The following ST8SIA6 variants were observed in gnomAD, a reference collection of about 807,000 sequenced individuals.
ST8SIA6 encodes the protein ST8 alpha-N-acetyl-neuraminide alpha-2,8-sialyltransferase 6, also known as alpha-2,8-sialyltransferase 8F.
ST8SIA6 carries 39 observed loss-of-function variants against 33.6 expected under a neutral mutation model. That is an observed-to-expected ratio of 1.16 (90% confidence interval 0.90 to 1.52). The LOEUF (loss-of-function observed/expected upper bound fraction) is 1.52, where lower values mean the gene tolerates loss of function less well. ST8SIA6 is among the 40% of genes most tolerant of loss of function. The pLI, the probability that ST8SIA6 is intolerant of heterozygous loss-of-function variation, is 0.00. For missense variants in ST8SIA6, 441 were observed against 443.8 expected, an observed-to-expected ratio of 0.99 and a Z score of 0.06; for synonymous variants, 172 against 167.2, an observed-to-expected ratio of 1.03 and a Z score of -0.22.
At chr10:17,343,615 T>A (rs1324156486) in intron 4 of ST8SIA6, among the ~76,000 whole-genome samples, 5 of 151,400 alleles carry the variant, frequency 3.3e-5, no homozygotes, top group Admixed American at 1.3e-4. Context: ...GCACATGAAA[T>A]AAAACACAGA....
chr10:17,404,160 C>T (rs185022292), intron 2 of ST8SIA6, among the ~76,000 whole-genome samples: 2 of 151,388 alleles, frequency 1.3e-5, no homozygotes, highest in East Asian at 3.9e-4. Flanking sequence ...GAAGTTTACA[C>T]ATGTGTCATC....
intron 3 of ST8SIA6, among the ~76,000 whole-genome samples, chr10:17,383,970 G>A (rs1850249690): frequency 6.6e-6 from 1 of 152,176 alleles, no homozygotes; most frequent in South Asian, 2.1e-4. Context: ...AACTATTTGT[G>A]TATATTCTTA....
In ST8SIA6 at chr10:17,318,683, G is replaced by A. The variant is rs567205864; in HGVS notation, c.*2195C>T. ...TGTCACAGTCAGACTTGGTTGTGGC[G>A]AATCTACAAATCTACAAGATGGAGT... is the stretch of plus-strand genomic sequence containing the variant. On this transcript the variant is annotated 3_prime_UTR_variant, in exon 8 of 8. Coordinates refer to ENST00000377602, the MANE Select transcript of ST8SIA6 (RefSeq NM_001004470.3). 4.9e-5 allele frequency: 23 copies of A among 471,012 alleles called. No individual in the cohort carries two copies. The highest frequency in any genetic ancestry group is 2.4e-4 in the African/African-American group (12 of 50,150). The allele number at this position is 471,012 out of a possible 1,614,324, so 29.2% of individuals were successfully genotyped here. A position where few individuals can be genotyped will look rare whatever the true frequency, so the allele number is the denominator to read the frequency against.
At chr10:17,322,098 G>C (rs7097099) in intron 7 of ST8SIA6, among the ~76,000 whole-genome samples, 2 of 104,794 alleles carry the variant, frequency 1.9e-5, no homozygotes, top group Admixed American at 8.3e-5. Context: ...GAGAGACAGA[G>C]AGAGAGAGAG....
At chr10:17,363,886 A>G (rs1348641818) in intron 3 of ST8SIA6, among the ~76,000 whole-genome samples, 2 of 152,090 alleles carry the variant, frequency 1.3e-5, no homozygotes, top group African/African-American at 4.8e-5. Flanking sequence ...CATTATCCCC[A>G]TAGTTTGAGC....
chr10:17,366,713 G>T (rs1176036985), intron 3 of ST8SIA6, among the ~76,000 whole-genome samples: 1 of 152,156 alleles, frequency 6.6e-6, no homozygotes, highest in Non-Finnish European at 1.5e-5. Context: ...AAAGAGCTGT[G>T]ATTGTAGGTG....
intron 4 of ST8SIA6, among the ~76,000 whole-genome samples, chr10:17,358,421 C>G (rs886212664): frequency 1.1e-4 from 16 of 152,186 alleles, no homozygotes; most frequent in Non-Finnish European, 2.1e-4. Flanking sequence ...AAAGCAAAAT[C>G]TCTTTAGTAA....
intron 4 of ST8SIA6, among the ~76,000 whole-genome samples, chr10:17,332,403 C>T (rs1296357991): frequency 6.6e-6 from 1 of 152,170 alleles, no homozygotes; most frequent in South Asian, 2.1e-4. Flanking sequence ...AATTTACACT[C>T]CCACCAACAG....
intron 2 of ST8SIA6, among the ~76,000 whole-genome samples, chr10:17,417,951 G>T (rs746273654): frequency 6.6e-5 from 10 of 152,206 alleles, no homozygotes; most frequent in Non-Finnish European, 1.5e-4. Context: ...GAAGGGGAAA[G>T]AAATCTATAT....
chr10:17,345,013 C>T (rs1197680393), intron 4 of ST8SIA6, among the ~76,000 whole-genome samples: 1 of 148,382 alleles, frequency 6.7e-6, no homozygotes, highest in Admixed American at 6.7e-5. Flanking sequence ...GAGAACATCC[C>T]ATCCCATGGA....
intron 4 of ST8SIA6, among the ~76,000 whole-genome samples, chr10:17,347,731 C>T (rs142211867): frequency 1.3e-5 from 2 of 152,018 alleles, no homozygotes; most frequent in South Asian, 2.1e-4. Context: ...GTCACGAGAT[C>T]GAGACCATCC....
intron 3 of ST8SIA6, among the ~76,000 whole-genome samples, chr10:17,379,053 G>A (rs554331124): frequency 6.6e-5 from 10 of 151,972 alleles, no homozygotes; most frequent in South Asian, 2.1e-4. Context: ...TTGAACCCGG[G>A]AGGCAGTGGT....
At chr10:17,340,756 C>T (rs557079060) in intron 4 of ST8SIA6, among the ~76,000 whole-genome samples, 1 of 152,218 alleles carries the variant, frequency 6.6e-6, no homozygotes, top group African/African-American at 2.4e-5. Flanking sequence ...TATCTTACAA[C>T]CCAAAATATT....
At chr10:17,371,069 A>G (rs1459126638) in intron 3 of ST8SIA6, among the ~76,000 whole-genome samples, 3 of 152,184 alleles carry the variant, frequency 2.0e-5, no homozygotes, top group Non-Finnish European at 2.9e-5. Flanking sequence ...TTTGATTTGA[A>G]GGTAGCCAAT....
At chr10:17,345,932 C>T (rs1848818133) in intron 4 of ST8SIA6, among the ~76,000 whole-genome samples, 1 of 152,166 alleles carries the variant, frequency 6.6e-6, no homozygotes, top group Non-Finnish European at 1.5e-5. Flanking sequence ...CCTAAAATTC[C>T]TCCGCTTGAA....
chr10:17,327,750 T>C (rs1320802005), intron 5 of ST8SIA6, among the ~76,000 whole-genome samples: 1 of 151,748 alleles, frequency 6.6e-6, no homozygotes, highest in Non-Finnish European at 1.5e-5. Flanking sequence ...CTACAAAAAG[T>C]AGAAAAATTG....
intron 6 of ST8SIA6, among the ~76,000 whole-genome samples, chr10:17,324,624 A>T (rs1199546025): frequency 6.6e-6 from 1 of 151,270 alleles, no homozygotes; most frequent in Admixed American, 6.6e-5. Context: ...ATATCTCAGA[A>T]TATATTTAAT....
intron 4 of ST8SIA6, among the ~76,000 whole-genome samples, chr10:17,339,750 C>T (rs1056376291): frequency 1.3e-5 from 2 of 152,128 alleles, no homozygotes; most frequent in Non-Finnish European, 2.9e-5. Context: ...TTAAACCCTA[C>T]AATAGCCCTA....
intron 2 of ST8SIA6, among the ~76,000 whole-genome samples, chr10:17,428,505 C>T (rs1376551686): frequency 3.9e-5 from 6 of 152,068 alleles, no homozygotes; most frequent in Middle Eastern, 6.8e-3. Context: ...TCGACACTGG[C>T]GTCATACTGA....
Sources: allele counts gnomAD v4.1 joint callset (sites outside exome capture counted in the v4.1 genomes callset), GRCh38; gene constraint gnomAD v4.1.1; transcripts MANE v1.5; gene names NCBI Gene and HGNC (gene_info 2026-07-23, HGNC 2026-07-21).